The following SRC variants were observed in gnomAD, a reference collection of about 807,000 sequenced individuals.
SRC encodes the protein SRC proto-oncogene, non-receptor tyrosine kinase, also known as proto-oncogene tyrosine-protein kinase Src.
Under a neutral mutation model 62.9 loss-of-function variants are expected in SRC, and 13 were observed. The ratio of observed to expected loss-of-function variants is 0.21; its 90% CI spans 0.13 to 0.33. The LOEUF is 0.33. SRC is among the 10% of genes least tolerant of loss of function. The probability of loss-of-function intolerance (pLI) is 1.00; values close to 1 mark genes in which losing one functional copy is unlikely to be tolerated. For synonymous variants in SRC, 302 were observed against 317.5 expected (o/e 0.95, Z 0.52); for missense variants, 457 against 737.3 (o/e 0.62, Z 4.40).
Position 37,397,807 on chromosome 20 carries a change from G to A in SRC, c.812G>A (p.Arg271Gln), listed in dbSNP as rs533607141. Residue 271 changes from arginine to glutamine, a missense_variant, in exon 9 of 14, where the codon CGG (arginine) becomes CAG (glutamine). This residue lies in a region of SRC where 141 missense variants were observed against 198.4 expected (regional missense o/e 0.71). Coordinates refer to ENST00000373578, the MANE Select transcript of SRC (RefSeq NM_198291.3). The surrounding 1 kb of genome is among the most constrained non-coding windows in gnomAD (Gnocchi z 4.1). ...TGGGAGATCCCTCGGGAGTCGCTGC[G>A]GCTGGAGGTCAAGCTGGGCCAGGGC... ...DAWEIPRESL[R>Q]LEVKLGQGCF... 1.1e-5 allele frequency: 18 copies of A among 1,612,028 alleles called. No individual in the cohort carries two copies. The highest frequency in any genetic ancestry group is 1.7e-5 in the Admixed American group (1 of 59,984).
chr20:37,360,064 G>A (rs2069943967), intron 1 of SRC, among the ~76,000 whole-genome samples: 1 of 151,914 alleles, frequency 6.6e-6, no homozygotes, highest in Non-Finnish European at 1.5e-5. Flanking sequence ...CCTATCTTGT[G>A]TCATTTTAGA....
Position 37,386,598 on chromosome 20 carries a change from C to T in SRC, c.350+424C>T, listed in dbSNP as rs762968248. Reference sequence around the variant, plus strand: ...TCTGGCTCTCTTGGCTGCTCCTCACCTCCCAGCTTCTCCCCTCCCCCCTCC... The same window carrying T: ...TCTGGCTCTCTTGGCTGCTCCTCACTTCCCAGCTTCTCCCCTCCCCCCTCC... On this transcript the variant is annotated intron_variant, in intron 5 of 13. Coordinates refer to ENST00000373578, the MANE Select transcript of SRC (RefSeq NM_198291.3). 130 of 670,722 alleles carry T rather than the reference C, an allele frequency of 1.9e-4. 1 individual carries two copies. Among genetic ancestry groups the T allele is most frequent in the Non-Finnish European group, 2.9e-4 (106 of 368,714 alleles). The allele number at this position is 670,722 out of a possible 1,614,324, so 41.5% of individuals were successfully genotyped here. A position where few individuals can be genotyped will look rare whatever the true frequency, so the allele number is the denominator to read the frequency against.
intron 1 of SRC, among the ~76,000 whole-genome samples, chr20:37,363,966 C>T (rs1406282128): frequency 6.6e-6 from 1 of 152,080 alleles, no homozygotes; most frequent in African/African-American, 2.4e-5. Context: ...GAGAGGATGG[C>T]TGCTAATGGG....
chr20:37,349,699 T>C (rs1376144447), intron 1 of SRC, among the ~76,000 whole-genome samples: 1 of 152,154 alleles, frequency 6.6e-6, no homozygotes, highest in African/African-American at 2.4e-5. Flanking sequence ...GGTGATCTCA[T>C]GGAGTCTGAA....
chr20:37,402,337 T>G lies in SRC; in HGVS notation c.1117-98T>G. On this transcript the variant is annotated intron_variant, in intron 11 of 13. Transcript: ENST00000373578. The surrounding 1 kb of genome is among the most constrained non-coding windows in gnomAD (Gnocchi z 6.2). Reference sequence around the variant, plus strand: ...CTTGCCTGAAGAAGTGTGGGGAGGGTGGGGAAGGGGTGGTTGGCTCTCCAG... The same window carrying G: ...CTTGCCTGAAGAAGTGTGGGGAGGGGGGGGAAGGGGTGGTTGGCTCTCCAG... 3 of 1,433,352 alleles carry G rather than the reference T, an allele frequency of 2.1e-6. No individual in the cohort carries two copies. Among genetic ancestry groups the G allele is most frequent in the Admixed American group, 4.4e-5 (2 of 45,046 alleles). The allele number at this position is 1,433,352 out of a possible 1,614,324, so 88.8% of individuals were successfully genotyped here. A position where few individuals can be genotyped will look rare whatever the true frequency, so the allele number is the denominator to read the frequency against.
At chr20:37,387,937 C>T (rs991373807) in intron 5 of SRC, among the ~76,000 whole-genome samples, 2 of 152,164 alleles carry the variant, frequency 1.3e-5, no homozygotes, top group African/African-American at 4.8e-5. Context: ...GAAACTGAGG[C>T]CCAAAGAGGT....
At chr20:37,349,630 C>G (rs1471747555) in intron 1 of SRC, among the ~76,000 whole-genome samples, 1 of 152,218 alleles carries the variant, frequency 6.6e-6, no homozygotes, top group Non-Finnish European at 1.5e-5. Flanking sequence ...TTGCATTGGA[C>G]AGGTCACTCG....
At position 37,359,780 on chromosome 20, in the gene SRC, AAG is replaced by A. The variant is rs527969268; in HGVS notation, c.-246-5421_-246-5420del. On this transcript the variant is annotated intron_variant, in intron 1 of 13. Coordinates refer to ENST00000373578, the MANE Select transcript of SRC (RefSeq NM_198291.3). ...CCTGGGTGCACCTGGCTGCTGTGTG[AAG>A]AGCAGACTGGGGGCTGAGGGTGGAG... 1.8e-4 allele frequency among the ~76,000 whole-genome samples: 27 copies of A among 152,146 alleles called. No individual in the cohort carries two copies. In the South Asian group the frequency reaches 4.4e-3, roughly 25 times the overall value.
intron 2 of SRC, among the ~76,000 whole-genome samples, chr20:37,376,809 G>A (rs768194310): frequency 2.2e-4 from 34 of 152,244 alleles, no homozygotes; most frequent in Non-Finnish European, 1.0e-4. Flanking sequence ...GGCCCCACCT[G>A]TAGTTTTTGA....
At chr20:37,352,677 T>A (rs1440975243) in intron 1 of SRC, among the ~76,000 whole-genome samples, 1 of 152,202 alleles carries the variant, frequency 6.6e-6, no homozygotes, top group Non-Finnish European at 1.5e-5. Flanking sequence ...CTCTTGTTTT[T>A]TGGGAGGCAG....
At chr20:37,362,192 C>A (rs1193633611) in intron 1 of SRC, among the ~76,000 whole-genome samples, 1 of 151,990 alleles carries the variant, frequency 6.6e-6, no homozygotes, top group Non-Finnish European at 1.5e-5. Context: ...GTAGCTGGAA[C>A]TCTTGGGCAC....
intron 2 of SRC, among the ~76,000 whole-genome samples, chr20:37,368,035 T>G (rs972351923): frequency 9.2e-5 from 14 of 152,366 alleles, no homozygotes; most frequent in African/African-American, 3.4e-4. Context: ...TTTCTTGATG[T>G]TGTTCTTTGG....
intron 9 of SRC, among the ~76,000 whole-genome samples, chr20:37,399,612 T>C (rs887546180): frequency 1.3e-5 from 2 of 151,920 alleles, no homozygotes; most frequent in South Asian, 2.1e-4. Flanking sequence ...TGGCACAGTT[T>C]CGGCTCACTG....
rs187677944 is a variant in SRC at position 37,384,551 on chromosome 20, G to A, written c.250+148G>A. 8.5e-6 allele frequency: 8 copies of A among 940,824 alleles called. No homozygotes were observed. The highest frequency in any genetic ancestry group is 4.0e-5 in the South Asian group (1 of 25,314). 58.3% of individuals were successfully genotyped at this position (940,824 alleles called of 1,614,324 possible). ...TGGGTGACTTGGGTGTCCGGGGGGTGGGGGGGCGGCCGTACACACTGTGAA... is the reference window on the plus strand; with the variant it reads ...TGGGTGACTTGGGTGTCCGGGGGGTAGGGGGGCGGCCGTACACACTGTGAA... On this transcript the variant is annotated intron_variant, in intron 4 of 13. Transcript: ENST00000373578. This position sits in a 1 kb window ranked among gnomAD's most constrained non-coding sequence, Gnocchi z 6.7.
rs1301076730 is a variant in SRC, at chr20:37,351,158, TG to T, written c.-247+4906del. ...CTCCCTACTCCTTGCTCTGGGTCCT[TG>T]GGCAAGTGACTTTCCCCCAACTTTG... On this transcript the variant is annotated intron_variant, in intron 1 of 13. Transcript: ENST00000373578. This position sits in a 1 kb window ranked among gnomAD's most constrained non-coding sequence, Gnocchi z 4.4. Among the ~76,000 whole-genome samples, 1 of 152,220 alleles carries T rather than the reference TG, an allele frequency of 6.6e-6. No individual in the cohort carries two copies. Among genetic ancestry groups the T allele is most frequent in the Admixed American group, 6.5e-5 (1 of 15,290 alleles).
intron 5 of SRC, chr20:37,386,385 C>A (rs2070456062): frequency 1.4e-6 from 1 of 719,900 alleles, no homozygotes; most frequent in Non-Finnish European, 2.6e-6. Context: ...TCCTCCCAAT[C>A]CCTGGCTCTC....
chr20:37,403,256 C>A lies in SRC; in HGVS notation c.1488C>A (p.Asp496Glu). ...CGGAGTGTCCCGAGTCCCTGCACGA[C>A]CTCATGTGCCAGTGCTGGCGGAAGG... The part of the protein sequence containing the change: ...CPPECPESLH[D>E]LMCQCWRKEP... The change falls in exon 14 of 14, where the codon GAC becomes GAA. Residue 496 changes from aspartate to glutamate, a missense_variant. This residue lies in a region of SRC where 168 missense variants were observed against 357.8 expected (regional missense o/e 0.47). Transcript: ENST00000373578. This position sits in a 1 kb window ranked among gnomAD's most constrained non-coding sequence, Gnocchi z 7.1. The A allele has an allele frequency of 6.3e-7, 1 of 1,593,596 alleles. No individual in the cohort carries two copies. The highest frequency in any genetic ancestry group is 1.3e-5 in the African/African-American group (1 of 74,752).
rs113368235 is a variant in SRC, at chr20:37,376,676, T to C, written c.-172-5943T>C. Among the ~76,000 whole-genome samples, 2,433 of 152,328 alleles carry C rather than the reference T, an allele frequency of 0.016. 101 individuals are homozygous for C. The East Asian group carries it at 0.18, about 11-fold the overall frequency. ...GCGCCACCATGCCCAGCTAATTTTG[T>C]ATTTCTAGTAGAGATGGGGTTTCAC... On this transcript the variant is annotated intron_variant, in intron 2 of 13. Coordinates refer to ENST00000373578, the MANE Select transcript of SRC (RefSeq NM_198291.3).
chr20:37,375,928 G>C (rs2070269469), intron 2 of SRC, among the ~76,000 whole-genome samples: 1 of 152,200 alleles, frequency 6.6e-6, no homozygotes, highest in South Asian at 2.1e-4. Flanking sequence ...ATGGCAGAGA[G>C]AGACAGGGCT....
Sources: allele counts gnomAD v4.1 joint callset (sites outside exome capture counted in the v4.1 genomes callset), GRCh38; gene constraint gnomAD v4.1.1; regional missense constraint gnomAD v4.1.1; non-coding constraint Gnocchi (gnomAD v3.1); transcripts MANE v1.5; gene names NCBI Gene and HGNC (gene_info 2026-07-23, HGNC 2026-07-21).